Variants in CADM4 observed in about 807,000 individuals in gnomAD.
CADM4 encodes TSLC1-like 2.
A neutral mutation model predicts 43.9 loss-of-function variants in CADM4; 13 were observed. The ratio of observed to expected loss-of-function variants is 0.30; its 90% CI spans 0.19 to 0.47. The LOEUF is 0.47. Among genes scored for constraint, CADM4 ranks in the 20% least tolerant of loss-of-function variants. CADM4 has a pLI of 1.00. For missense variants in CADM4, 420 were observed against 527.0 expected (o/e 0.80, Z 1.99); for synonymous variants, 209 against 220.9 (o/e 0.95, Z 0.48).
In CADM4 at chr19:43,626,264, C is replaced by T; in HGVS notation, c.524G>A (p.Gly175Asp). The T allele has an allele frequency of 6.2e-7, 1 of 1,612,382 alleles. No homozygotes were observed. Residue 175 changes from glycine (G) to aspartate (D), a missense_variant, in exon 5 of 9, where the codon GGC (glycine) becomes GAC (aspartate). By Grantham distance (94) the Gly-to-Asp change is moderately conservative. Coordinates refer to ENST00000222374, the MANE Select transcript of CADM4 (RefSeq NM_145296.2). This position sits in a 1 kb window ranked among gnomAD's most constrained non-coding sequence, Gnocchi z 5.9. Reference sequence around the variant, plus strand: ...TGTGCTTGCCACGCTCCAGACCTTGCCATTTTCCTGGCTGCTGCTCACTCC... The same window carrying T: ...TGTGCTTGCCACGCTCCAGACCTTGTCATTTTCCTGGCTGCTGCTCACTCC... Reference protein sequence around the residue: ...LKGVSSSQENGKVWSVASTVR... With the variant: ...LKGVSSSQENDKVWSVASTVR...
In CADM4 at chr19:43,639,843, C is replaced by CCCGCGCCGCCCG; in HGVS notation, c.-54_-53insCGGGCGGCGCGG. ...CGCTCCCGGCCCGGCACCTGCACCG[C>CCCGCGCCGCCCG]CCGCGCCGCCCGCCCCGCCCCCCGC... On this transcript the variant is annotated 5_prime_UTR_variant, in exon 1 of 9. Transcript: ENST00000222374. The CCCGCGCCGCCCG allele has an allele frequency of 2.0e-6, 2 of 977,848 alleles. No individual in the cohort carries two copies. The highest frequency in any genetic ancestry group is 4.6e-5 in the South Asian group (1 of 21,880). The allele number at this position is 977,848 out of a possible 1,614,324, so 60.6% of individuals were successfully genotyped here.
chr19:43,637,999 G>A (rs941805618), intron 1 of CADM4, among the ~76,000 whole-genome samples: 17 of 152,058 alleles, frequency 1.1e-4, no homozygotes, highest in Admixed American at 1.0e-3. Flanking sequence ...CTGGTGTTTA[G>A]CCTAAAAAAT....
rs754163739 is a variant in CADM4 at position 43,626,243 on chromosome 19, C to T, written c.545G>A (p.Ser182Asn). Residue 182 changes from serine (S) to asparagine (N), a missense_variant, in exon 5 of 9, where the codon AGC becomes AAC. Ser to Asn is a conservative substitution (Grantham distance 46). Transcript: ENST00000222374. The surrounding 1 kb of genome is among the most constrained non-coding windows in gnomAD (Gnocchi z 5.9). ...QENGKVWSVASTVRFRVDRKD... is the reference protein window; with the variant it reads ...QENGKVWSVANTVRFRVDRKD... ...ACGGTCCACACGAAACCGTACTGTG[C>T]TTGCCACGCTCCAGACCTTGCCATT... The T allele has an allele frequency of 3.7e-6, 6 of 1,613,172 alleles. No homozygotes were observed. The South Asian group carries it at 4.4e-5, about 12-fold the overall frequency.
chr19:43,640,042 C>T (rs1165185268), upstream of CADM4, among the ~76,000 whole-genome samples: 2 of 137,062 alleles, frequency 1.5e-5, no homozygotes, highest in East Asian at 2.1e-4. Context: ...AAGGGGTGCG[C>T]GGGAGGGCGA....
At position 43,625,106 on chromosome 19, in the gene CADM4, C is replaced by T; in HGVS notation, c.900G>A (p.Ala300=). Residue 300 remains alanine (A), a synonymous_variant, in exon 7 of 9, where the codon GCG becomes GCA. Coordinates refer to ENST00000222374, the MANE Select transcript of CADM4 (RefSeq NM_145296.2). This position sits in a 1 kb window ranked among gnomAD's most constrained non-coding sequence, Gnocchi z 4.5. ...TCEASNKHGH[A]RALYVLVVYD... is the part of the protein sequence containing the mutation. ...AGACCACAAGTACGTAGAGCGCCCTCGCATGGCCGTGCTTATTGGACGCCT... is the reference window on the plus strand; with the variant it reads ...AGACCACAAGTACGTAGAGCGCCCTTGCATGGCCGTGCTTATTGGACGCCT... 1 of 1,613,250 alleles carries T rather than the reference C, an allele frequency of 6.2e-7. No homozygotes were observed. Among genetic ancestry groups the T allele is most frequent in the Non-Finnish European group, 8.5e-7 (1 of 1,179,670 alleles).
intron 7 of CADM4, 57 bp from the exon 8 acceptor site, chr19:43,624,299 C>G (rs909259676): frequency 1.4e-5 from 23 of 1,610,634 alleles, no homozygotes; most frequent in Non-Finnish European, 1.9e-5. Flanking sequence ...CAGTCTGGCC[C>G]CATCGCTGCC....
At position 43,627,296 on chromosome 19, in the gene CADM4, C is replaced by A; in HGVS notation, c.234G>T (p.Gln78His). Reference sequence around the variant, plus strand: ...CCCGGCGTGGGGAGAACTCCTCAAGCTGGAAACGCTCATCCTTCAAGGCTA... The same window carrying A: ...CCCGGCGTGGGGAGAACTCCTCAAGATGGAAACGCTCATCCTTCAAGGCTA... ...GTRALKDERF[Q>H]LEEFSPRRVR... The change falls in exon 3 of 9, where the codon CAG becomes CAT. Residue 78 changes from glutamine (Q) to histidine (H), a missense_variant. Gln to His is a conservative substitution (Grantham distance 24). Transcript: ENST00000222374. The surrounding 1 kb of genome is among the most constrained non-coding windows in gnomAD (Gnocchi z 4.0). 1 of 1,603,102 alleles carries A rather than the reference C, an allele frequency of 6.2e-7. No individual in the cohort carries two copies. The highest frequency in any genetic ancestry group is 8.5e-7 in the Non-Finnish European group (1 of 1,174,298).
chr19:43,639,546 G>A (rs935993522), intron 1 of CADM4, among the ~76,000 whole-genome samples, 181 bp downstream of exon 1: 13 of 150,618 alleles, frequency 8.6e-5, no homozygotes, highest in African/African-American at 3.2e-4. Flanking sequence ...GCCGGGCCCC[G>A]CGCCCCCTCC....
At chr19:43,624,964 A>ATTTT (rs1973497775) in intron 7 of CADM4, 114 bp downstream of exon 7, 1 of 1,219,666 alleles carries the variant, frequency 8.2e-7, no homozygotes, top group Non-Finnish European at 1.1e-6. Context: ...TCCCAAAACA[A>ATTTT]AAAGAACTCT....
intron 7 of CADM4, 190 bp downstream of exon 7, chr19:43,624,888 A>C (rs1973495954): frequency 1.7e-6 from 1 of 602,448 alleles, no homozygotes; most frequent in African/African-American, 1.9e-5. Flanking sequence ...ACTGAGGCGC[A>C]GACAGGTTCG....
At chr19:43,631,343 A>G (rs972030447) in intron 1 of CADM4, among the ~76,000 whole-genome samples, 2 of 151,934 alleles carry the variant, frequency 1.3e-5, no homozygotes, top group Admixed American at 6.6e-5. Flanking sequence ...TCCGTTTCAA[A>G]AAAGAAAAAA....
At chr19:43,632,283 T>A (rs925144511) in intron 1 of CADM4, among the ~76,000 whole-genome samples, 2 of 152,124 alleles carry the variant, frequency 1.3e-5, no homozygotes, top group African/African-American at 4.8e-5. Flanking sequence ...ATCACCTTTG[T>A]CTGCCTCTCC....
chr19:43,624,970 ACT>A lies in CADM4; in HGVS notation c.928+106_928+107del, dbSNP rs1193732242. On this transcript the variant is annotated intron_variant, in intron 7 of 8. Coordinates refer to ENST00000222374, the MANE Select transcript of CADM4 (RefSeq NM_145296.2). Reference sequence around the variant, plus strand: ...CCAGTCTGGTCCCAAAACAAAAAGAACTCTGTTGGCTGCCGAACCCCTGAGTT... The same window carrying A: ...CCAGTCTGGTCCCAAAACAAAAAGAACTGTTGGCTGCCGAACCCCTGAGTT... 9.7e-6 allele frequency: 12 copies of A among 1,238,122 alleles called. No homozygotes were observed. The African/African-American group carries it at 1.1e-4, about 11-fold the overall frequency. 76.7% of individuals were successfully genotyped at this position (1,238,122 alleles called of 1,614,324 possible).
rs1428957221 is a variant in CADM4 at position 43,625,236 on chromosome 19, C to A, written c.770G>T (p.Arg257Leu). 1.2e-6 allele frequency: 2 copies of A among 1,613,846 alleles called. No homozygotes were observed. The highest frequency in any genetic ancestry group is 2.2e-5 in the East Asian group (1 of 44,880). The change falls in exon 7 of 9, where the codon CGC becomes CTC. Residue 257 changes from arginine to leucine, a missense_variant. Physicochemically the swap from Arg to Leu is moderately radical, Grantham distance 102 (BLOSUM62 -2). Transcript: ENST00000222374. The surrounding 1 kb of genome is among the most constrained non-coding windows in gnomAD (Gnocchi z 4.5). ...VTGNPRPNQI[R>L]WNRGNESLPE... ...CAAAGACTCATTCCCGCGGTTCCAGCGGATCTGGTTTGGCCTGGGTGGGGA... is the reference window on the plus strand; with the variant it reads ...CAAAGACTCATTCCCGCGGTTCCAGAGGATCTGGTTTGGCCTGGGTGGGGA...
In CADM4 at chr19:43,626,688, G is replaced by A; in HGVS notation, c.499+96C>T. The A allele has an allele frequency of 7.0e-7, 1 of 1,431,534 alleles. No homozygotes were observed. Among genetic ancestry groups the A allele is most frequent in the African/African-American group, 1.4e-5 (1 of 69,686 alleles). The allele number at this position is 1,431,534 out of a possible 1,614,324, so 88.7% of individuals were successfully genotyped here. A position where few individuals can be genotyped will look rare whatever the true frequency, so the allele number is the denominator to read the frequency against. Reference sequence around the variant, plus strand: ...TCAACCACTACATATTGAATGTCCAGTGTCTGTGAAAACCTGTGGCTCCTC... The same window carrying A: ...TCAACCACTACATATTGAATGTCCAATGTCTGTGAAAACCTGTGGCTCCTC... On this transcript the variant is annotated intron_variant, in intron 4 of 8. Transcript: ENST00000222374. The surrounding 1 kb of genome is among the most constrained non-coding windows in gnomAD (Gnocchi z 5.9).
Position 43,635,316 on chromosome 19 carries a change from AC to A in CADM4, c.64+4410del, listed in dbSNP as rs1399936397. 1.2e-4 allele frequency among the ~76,000 whole-genome samples: 18 copies of A among 148,418 alleles called. 1 individual carries two copies. In the South Asian group the frequency reaches 3.5e-3, roughly 29 times the overall value. ...TGGTACATCCCTGCGTCCTGACTGAACCCCCCTCAGCCCCCCATCAATGGCG... is the reference window on the plus strand; with the variant it reads ...TGGTACATCCCTGCGTCCTGACTGAACCCCCTCAGCCCCCCATCAATGGCG... On this transcript the variant is annotated intron_variant, in intron 1 of 8. Transcript: ENST00000222374.
Position 43,626,304 on chromosome 19 carries a change from C to T in CADM4, c.500-16G>A, listed in dbSNP as rs745854123. ...CTGCTCACTCCTGCCACACCCCGGT[C>T]AGACACTGTCAGGCCACAATTCCGG... On this transcript the variant is annotated splice_polypyrimidine_tract_variant and intron_variant, in intron 4 of 8. Transcript: ENST00000222374. The surrounding 1 kb of genome is among the most constrained non-coding windows in gnomAD (Gnocchi z 5.9). The T allele has an allele frequency of 1.1e-5, 17 of 1,606,556 alleles. No homozygotes were observed. The highest frequency in any genetic ancestry group is 1.6e-4 in the Middle Eastern group (1 of 6,070).
intron 1 of CADM4, among the ~76,000 whole-genome samples, chr19:43,638,232 C>T (rs1026272322): frequency 6.6e-6 from 1 of 152,158 alleles, no homozygotes; most frequent in African/African-American, 2.4e-5. Context: ...AACATGTAAC[C>T]GCACTCAACT....
chr19:43,624,672 C>G (rs573920705), intron 7 of CADM4, among the ~76,000 whole-genome samples: 6 of 152,304 alleles, frequency 3.9e-5, no homozygotes, highest in Admixed American at 3.9e-4. Flanking sequence ...AGGTCCAAGT[C>G]CCTTCCCACC....
Sources: allele counts gnomAD v4.1 joint callset (sites outside exome capture counted in the v4.1 genomes callset), GRCh38; gene constraint gnomAD v4.1.1; non-coding constraint Gnocchi (gnomAD v3.1); transcripts MANE v1.5; gene names NCBI Gene and HGNC (gene_info 2026-07-23, HGNC 2026-07-21).